CTNND2: variants seen among roughly 807,000 people sequenced by gnomAD.
CTNND2 encodes catenin delta-2.
Under a neutral mutation model 144.4 loss-of-function variants are expected in CTNND2, and 22 were observed. The observed-to-expected ratio is 0.15, with a 90% CI of 0.11 to 0.22. CTNND2 has a LOEUF of 0.22. CTNND2 is among the 10% of genes least tolerant of loss of function. The pLI is 1.00. For missense variants in CTNND2, 1,353 were observed against 1,618.8 expected (o/e 0.84, Z 2.82); for synonymous variants, 751 against 695.6 (o/e 1.08, Z -1.25).
chr5:11,272,091 C>T (rs577779979), intron 9 of CTNND2, among the ~76,000 whole-genome samples: 126 of 152,148 alleles, frequency 8.3e-4, no homozygotes, highest in African/African-American at 3.0e-3. Flanking sequence ...AAAATACAGT[C>T]CATTATTTCT....
chr5:11,452,182 A>G (rs1184775149), intron 3 of CTNND2, among the ~76,000 whole-genome samples: 2 of 152,250 alleles, frequency 1.3e-5, no homozygotes, highest in Non-Finnish European at 2.9e-5. Context: ...AAGTCAGGCT[A>G]CTGAACATCA....
At chr5:11,113,590 C>T (rs369997955) in intron 13 of CTNND2, among the ~76,000 whole-genome samples, 20 of 151,844 alleles carry the variant, frequency 1.3e-4, no homozygotes, top group African/African-American at 4.1e-4. Flanking sequence ...AGGGGTGAAA[C>T]AATGATGGAA....
intron 3 of CTNND2, among the ~76,000 whole-genome samples, chr5:11,508,852 G>A (rs760702550): frequency 2.6e-5 from 4 of 151,890 alleles, no homozygotes; most frequent in African/African-American, 4.8e-5. Context: ...CAGAGGTTGC[G>A]GTGAGCTGAG....
intron 3 of CTNND2, among the ~76,000 whole-genome samples, chr5:11,451,356 C>A (rs1331414948): frequency 6.6e-6 from 1 of 152,170 alleles, no homozygotes; most frequent in Non-Finnish European, 1.5e-5. Flanking sequence ...AGCTCTAAAA[C>A]CAAACCAACC....
chr5:10,994,295 G>A (rs1163755918), intron 18 of CTNND2, among the ~76,000 whole-genome samples: 1 of 54,852 alleles, frequency 1.8e-5, no homozygotes, highest in Non-Finnish European at 3.6e-5. Flanking sequence ...ATGGAGGAGC[G>A]GGGGCGGGGA....
chr5:11,781,984 C>T (rs1395976763), intron 1 of CTNND2, among the ~76,000 whole-genome samples: 1 of 152,192 alleles, frequency 6.6e-6, no homozygotes, highest in Non-Finnish European at 1.5e-5. Context: ...CTCCCATAAT[C>T]CAACCACGTC....
intron 1 of CTNND2, among the ~76,000 whole-genome samples, chr5:11,822,980 C>A (rs1214533335): frequency 1.3e-5 from 2 of 152,122 alleles, no homozygotes; most frequent in African/African-American, 2.4e-5. Flanking sequence ...AGTGTTAGAG[C>A]ATTTTTGTTA....
At chr5:11,857,309 T>C (rs903787966) in intron 1 of CTNND2, among the ~76,000 whole-genome samples, 2 of 151,952 alleles carry the variant, frequency 1.3e-5, no homozygotes, top group African/African-American at 4.8e-5. Flanking sequence ...GCAGGGGGAA[T>C]GTTTGCAGGG....
At chr5:11,771,967 C>G (rs1336535716) in intron 1 of CTNND2, among the ~76,000 whole-genome samples, 2 of 152,148 alleles carry the variant, frequency 1.3e-5, no homozygotes, top group Non-Finnish European at 2.9e-5. Context: ...CTAGGATTTT[C>G]TAGTCAAGTT....
intron 8 of CTNND2, among the ~76,000 whole-genome samples, chr5:11,353,413 C>T (rs1273858840): frequency 6.6e-6 from 1 of 152,160 alleles, no homozygotes; most frequent in Non-Finnish European, 1.5e-5. Context: ...TTTTGAAGTG[C>T]AATATGTTTG....
chr5:11,758,357 A>T (rs1455420054), intron 1 of CTNND2, among the ~76,000 whole-genome samples: 1 of 152,000 alleles, frequency 6.6e-6, no homozygotes, highest in Non-Finnish European at 1.5e-5. Flanking sequence ...TGATTAAAAA[A>T]AATTTCACTT....
chr5:11,898,503 C>A (rs567966349), intron 1 of CTNND2, among the ~76,000 whole-genome samples: 26 of 152,226 alleles, frequency 1.7e-4, no homozygotes, highest in African/African-American at 6.0e-4. Flanking sequence ...TACTAATACA[C>A]TTCTCTGGCC....
At chr5:11,266,859 A>G (rs1745488952) in intron 9 of CTNND2, among the ~76,000 whole-genome samples, 1 of 152,174 alleles carries the variant, frequency 6.6e-6, no homozygotes, top group African/African-American at 2.4e-5. Context: ...GAACTGCCAC[A>G]AATGCAAAGA....
At chr5:11,813,101 T>C (rs1341377106) in intron 1 of CTNND2, among the ~76,000 whole-genome samples, 2 of 152,160 alleles carry the variant, frequency 1.3e-5, no homozygotes, top group East Asian at 3.9e-4. Context: ...TCCCGTAAGA[T>C]TAGAATACCA....
intron 7 of CTNND2, among the ~76,000 whole-genome samples, chr5:11,369,811 T>C (rs1757300079): frequency 6.6e-6 from 1 of 152,166 alleles, no homozygotes; most frequent in African/African-American, 2.4e-5. Flanking sequence ...TCTGAGCACC[T>C]GACATTTTAG....
At chr5:11,237,176 C>T (rs1296182346) in intron 9 of CTNND2, among the ~76,000 whole-genome samples, 5 of 152,008 alleles carry the variant, frequency 3.3e-5, no homozygotes, top group Admixed American at 3.3e-4. Context: ...CCCACCACCA[C>T]GCCTGGCCAA....
chr5:10,998,741 T>C (rs1306894234), intron 18 of CTNND2, among the ~76,000 whole-genome samples: 2 of 152,242 alleles, frequency 1.3e-5, no homozygotes, highest in Admixed American at 1.3e-4. Context: ...TTGTTTTTTC[T>C]TGTCATCCTT....
intron 9 of CTNND2, among the ~76,000 whole-genome samples, chr5:11,313,725 A>C (rs1751219461): frequency 6.6e-6 from 1 of 152,224 alleles, no homozygotes; most frequent in African/African-American, 2.4e-5. Context: ...TGCAACCGGT[A>C]ATTGCAAAGA....
chr5:11,877,435 A>G (rs1735647113), intron 1 of CTNND2, among the ~76,000 whole-genome samples: 1 of 152,140 alleles, frequency 6.6e-6, no homozygotes, highest in African/African-American at 2.4e-5. Context: ...TGATGTCTCA[A>G]AGTTAACTTT....
Sources: allele counts gnomAD v4.1 joint callset (sites outside exome capture counted in the v4.1 genomes callset), GRCh38; gene constraint gnomAD v4.1.1; transcripts MANE v1.5; gene names NCBI Gene and HGNC (gene_info 2026-07-23, HGNC 2026-07-21).